Variants in ACAA2 observed in about 807,000 individuals in gnomAD.
The protein encoded by ACAA2 is 3-ketoacyl-CoA thiolase, mitochondrial.
ACAA2 carries 35 observed loss-of-function variants against 44.8 expected under a neutral mutation model. The observed-to-expected ratio is 0.78, with a 90% confidence interval of 0.60 to 1.04. ACAA2 has a LOEUF of 1.04. ACAA2 is among the 50% of genes least tolerant of loss of function. The pLI, the probability that ACAA2 is intolerant of heterozygous loss-of-function variation, is 0.00. For synonymous variants in ACAA2, 142 were observed against 166.5 expected (o/e 0.85, Z 1.13); for missense variants, 468 against 482.6 (o/e 0.97, Z 0.28).
chr18:49,791,195 T>C (rs1160387170), intron 7 of ACAA2, among the ~76,000 whole-genome samples: 1 of 152,222 alleles, frequency 6.6e-6, no homozygotes, highest in Non-Finnish European at 1.5e-5. Context: ...TTCTAAACTC[T>C]CAAAGGAACA....
chr18:49,810,568 T>A (rs995781768), intron 1 of ACAA2, among the ~76,000 whole-genome samples: 3 of 152,228 alleles, frequency 2.0e-5, no homozygotes, highest in Non-Finnish European at 4.4e-5. Flanking sequence ...TTTACCTATA[T>A]TACTTCTTAT....
At chr18:49,813,152 T>C (rs578154543) in intron 1 of ACAA2, 39 of 285,074 alleles carry the variant, frequency 1.4e-4, no homozygotes, top group African/African-American at 7.0e-4. Context: ...TTTCTAATAC[T>C]TGGACTCGAA....
At chr18:49,808,827 C>A (rs1440586925) in intron 1 of ACAA2, among the ~76,000 whole-genome samples, 1 of 152,170 alleles carries the variant, frequency 6.6e-6, no homozygotes, top group Admixed American at 6.5e-5. Context: ...CAGCTGTGCA[C>A]ATATTGTCTT....
Position 49,788,833 on chromosome 18 carries a change from C to G in ACAA2, c.884-1472G>C, listed in dbSNP as rs542582462. On this transcript the variant is annotated intron_variant, in intron 7 of 9. Coordinates refer to ENST00000285093, the MANE Select transcript of ACAA2 (RefSeq NM_006111.3). ...ACTCTTCCCAGACCACTGTTATTTACTGGGACTTCAGGAAGGTTTAGTATT... is the reference window on the plus strand; with the variant it reads ...ACTCTTCCCAGACCACTGTTATTTAGTGGGACTTCAGGAAGGTTTAGTATT... 2.0e-5 allele frequency among the ~76,000 whole-genome samples: 3 copies of G among 152,304 alleles called. No individual in the cohort carries two copies. In the East Asian group the frequency reaches 5.8e-4, roughly 29 times the overall value.
At chr18:49,803,203 A>C (rs1339086390) in intron 1 of ACAA2, among the ~76,000 whole-genome samples, 1 of 150,664 alleles carries the variant, frequency 6.6e-6, no homozygotes, top group Non-Finnish European at 1.5e-5. Flanking sequence ...ATAAATAGCC[A>C]GATGGCCTGG....
chr18:49,786,991 A>AAT (rs1325817626), intron 8 of ACAA2, among the ~76,000 whole-genome samples: 4 of 152,194 alleles, frequency 2.6e-5, no homozygotes, highest in African/African-American at 4.8e-5. Context: ...CAGGCATGTT[A>AAT]ATAGTCTAAA....
chr18:49,801,340 C>T (rs1598799661), intron 2 of ACAA2, among the ~76,000 whole-genome samples: 1 of 152,188 alleles, frequency 6.6e-6, no homozygotes, highest in East Asian at 1.9e-4. Context: ...GAAACTGATA[C>T]TATTTATAGT....
intron 1 of ACAA2, among the ~76,000 whole-genome samples, chr18:49,809,962 G>C (rs192720540): frequency 6.6e-6 from 1 of 152,100 alleles, no homozygotes; most frequent in Non-Finnish European, 1.5e-5. Context: ...GAAACGGACC[G>C]GGCAAGGGAG....
chr18:49,798,477 A>T (rs1359371194), intron 2 of ACAA2, among the ~76,000 whole-genome samples: 1 of 125,324 alleles, frequency 8.0e-6, no homozygotes, highest in Admixed American at 7.5e-5. Flanking sequence ...AGAATGACTT[A>T]AAAAAAAAAA....
At chr18:49,787,523 C>T (rs2023347691) in intron 7 of ACAA2, among the ~76,000 whole-genome samples, 162 bp from the exon 8 acceptor site, 1 of 151,688 alleles carries the variant, frequency 6.6e-6, no homozygotes, top group South Asian at 2.1e-4. Context: ...ATGAAGTGAC[C>T]ATAAAGAGGC....
chr18:49,808,618 G>C lies in ACAA2; in HGVS notation c.16+4851C>G, dbSNP rs145670185. 4.3e-3 allele frequency among the ~76,000 whole-genome samples: 653 copies of C among 152,274 alleles called. 8 individuals are homozygous for C. The highest frequency in any genetic ancestry group is 0.014 in the African/African-American group (588 of 41,554). ...GATGCCCACCTGAACCACAAAACCA[G>C]CAGGTTTTTATTAAGGATTTCAAAA... is the stretch of plus-strand genomic sequence containing the variant. On this transcript the variant is annotated intron_variant, in intron 1 of 9. Transcript: ENST00000285093.
intron 1 of ACAA2, among the ~76,000 whole-genome samples, chr18:49,805,929 C>G (rs1020292204): frequency 2.6e-5 from 4 of 152,096 alleles, no homozygotes; most frequent in Admixed American, 2.0e-4. Flanking sequence ...TTTCCTCTTT[C>G]CATGCCTTCT....
At chr18:49,784,822 TACTC>T (rs2023308294) in intron 9 of ACAA2, among the ~76,000 whole-genome samples, 1 of 152,112 alleles carries the variant, frequency 6.6e-6, no homozygotes, top group South Asian at 2.1e-4. Context: ...TCTAGATCAG[TACTC>T]ACTCAGTACT....
intron 1 of ACAA2, 78 bp downstream of exon 1, chr18:49,813,391 G>T: frequency 8.8e-7 from 1 of 1,132,810 alleles, no homozygotes; most frequent in Non-Finnish European, 1.1e-6. Flanking sequence ...GACTCTCCGC[G>T]GCGGCCGGAA....
intron 3 of ACAA2, 96 bp from the exon 4 acceptor site, chr18:49,795,977 C>G (rs1034117837): frequency 2.5e-6 from 2 of 785,236 alleles, no homozygotes; most frequent in Non-Finnish European, 4.3e-6. Context: ...GTAAATCAAA[C>G]AAATATTGTA....
At chr18:49,796,443 CTATT>C (rs779947878) in intron 3 of ACAA2, among the ~76,000 whole-genome samples, 5 of 152,138 alleles carry the variant, frequency 3.3e-5, no homozygotes, top group Non-Finnish European at 5.9e-5. Context: ...ACCGAGGTCA[CTATT>C]TAAGATATAT....
At chr18:49,785,782 A>AGATAAAATCAT (rs1288569429) in intron 8 of ACAA2, 1 of 178,038 alleles carries the variant, frequency 5.6e-6, no homozygotes, top group Non-Finnish European at 1.2e-5. Flanking sequence ...TGTCACAGTT[A>AGATAAAATCAT]GATAAAATCA....
intron 5 of ACAA2, among the ~76,000 whole-genome samples, chr18:49,793,083 G>C (rs530538386): frequency 6.6e-6 from 1 of 152,032 alleles, no homozygotes; most frequent in South Asian, 2.1e-4. Context: ...AACTTCTTTT[G>C]GTGAGATAAG....
intron 5 of ACAA2, among the ~76,000 whole-genome samples, chr18:49,793,790 C>T (rs1199452477): frequency 6.6e-6 from 1 of 152,176 alleles, no homozygotes; most frequent in Non-Finnish European, 1.5e-5. Context: ...GAGTCTCGGA[C>T]TAGTTCTAAG....
Sources: gnomAD v4.1 joint callset for allele counts (sites outside exome capture counted in the v4.1 genomes callset) on GRCh38, gnomAD v4.1.1 for gene constraint, MANE v1.5 for transcripts, NCBI Gene and HGNC (gene_info 2026-07-23, HGNC 2026-07-21) for gene names.